The following RBFOX1 variants were observed in gnomAD, a reference collection of about 807,000 sequenced individuals.
RBFOX1 encodes RNA binding fox-1 homolog 1.
Under a neutral mutation model 57.7 loss-of-function variants are expected in RBFOX1, and 8 were observed. That is an observed-to-expected ratio of 0.14 (90% CI 0.08 to 0.25). The LOEUF (loss-of-function observed/expected upper bound fraction) is 0.25, where lower values mean the gene tolerates loss of function less well. RBFOX1 is among the 10% of genes least tolerant of loss of function. The pLI, the probability that RBFOX1 is intolerant of heterozygous loss-of-function variation, is 1.00. For synonymous variants in RBFOX1, 326 were observed against 222.4 expected (o/e 1.47, Z -4.15); for missense variants, 611 against 548.5 (o/e 1.11, Z -1.14).
At chr16:7,625,400 ACC>A (rs1200462474) in intron 10 of RBFOX1, among the ~76,000 whole-genome samples, 1 of 152,044 alleles carries the variant, frequency 6.6e-6, no homozygotes, top group Non-Finnish European at 1.5e-5. Context: ...TCCACCTAGA[ACC>A]TTTACCCTTA....
At chr16:5,764,326 T>G (rs2053698835) in intron 3 of RBFOX1, among the ~76,000 whole-genome samples, 1 of 152,052 alleles carries the variant, frequency 6.6e-6, no homozygotes, top group Non-Finnish European at 1.5e-5. Flanking sequence ...AGGCCTTGAG[T>G]TTTCCTTGGT....
intron 1 of RBFOX1, among the ~76,000 whole-genome samples, chr16:6,132,720 T>G (rs933835462): frequency 6.6e-6 from 1 of 152,002 alleles, no homozygotes; most frequent in African/African-American, 2.4e-5. Flanking sequence ...TTCAACTATG[T>G]AAAAATAAGT....
At chr16:6,953,741 A>G (rs1295545498) in intron 3 of RBFOX1, among the ~76,000 whole-genome samples, 8 of 152,242 alleles carry the variant, frequency 5.3e-5, no homozygotes, top group Non-Finnish European at 1.5e-5. Context: ...TATTTTATAT[A>G]CATAATGGGT....
intron 1 of RBFOX1, among the ~76,000 whole-genome samples, chr16:5,424,515 G>A (rs1465802387): frequency 6.9e-6 from 1 of 145,884 alleles, no homozygotes; most frequent in African/African-American, 2.5e-5. Context: ...TCTAAAGATG[G>A]GTGGCGTTTT....
chr16:7,443,483 G>T (rs986826170), intron 4 of RBFOX1, among the ~76,000 whole-genome samples: 1 of 147,392 alleles, frequency 6.8e-6, no homozygotes, highest in Non-Finnish European at 1.5e-5. Context: ...TTCAGCGTTT[G>T]ACTGGTAGGC....
chr16:7,137,397 G>C (rs1044560771), intron 4 of RBFOX1, among the ~76,000 whole-genome samples: 3 of 152,130 alleles, frequency 2.0e-5, no homozygotes, highest in South Asian at 2.1e-4. Context: ...CCCCCATACT[G>C]TTCTCGTGGT....
intron 4 of RBFOX1, among the ~76,000 whole-genome samples, chr16:5,900,087 A>G (rs2058269813): frequency 6.6e-6 from 1 of 152,180 alleles, no homozygotes; most frequent in Non-Finnish European, 1.5e-5. Context: ...CAAAAACCAA[A>G]CAAAACAAAA....
intron 4 of RBFOX1, among the ~76,000 whole-genome samples, chr16:7,098,820 C>T (rs867881611): frequency 6.6e-6 from 1 of 152,044 alleles, no homozygotes; most frequent in African/African-American, 2.4e-5. Context: ...TAATTAAAAT[C>T]GTGGTCTTTC....
At chr16:5,523,873 G>C (rs962237573) in intron 2 of RBFOX1, among the ~76,000 whole-genome samples, 4 of 152,196 alleles carry the variant, frequency 2.6e-5, no homozygotes, top group Admixed American at 1.3e-4. Context: ...GGGCAGCATG[G>C]AGGGGCTGTT....
intron 1 of RBFOX1, among the ~76,000 whole-genome samples, chr16:6,268,864 C>G (rs972770787): frequency 2.6e-5 from 4 of 152,210 alleles, no homozygotes; most frequent in Non-Finnish European, 5.9e-5. Flanking sequence ...GAAGTGCAGT[C>G]TTCCCGCAGT....
chr16:7,112,234 G>T (rs2064931614), intron 4 of RBFOX1, among the ~76,000 whole-genome samples: 1 of 151,944 alleles, frequency 6.6e-6, no homozygotes, highest in South Asian at 2.1e-4. Flanking sequence ...TTTGAGATGG[G>T]GTCTGTCTTC....
At chr16:5,922,443 C>T (rs548407737) in intron 4 of RBFOX1, among the ~76,000 whole-genome samples, 1 of 152,152 alleles carries the variant, frequency 6.6e-6, no homozygotes, top group Middle Eastern at 3.2e-3. Context: ...CCCTTGTTCA[C>T]CCCCTTGTCT....
intron 2 of RBFOX1, among the ~76,000 whole-genome samples, chr16:6,363,701 A>T (rs535689521): frequency 6.6e-6 from 1 of 152,334 alleles, no homozygotes; most frequent in East Asian, 1.9e-4. Flanking sequence ...GGGCTTAGCT[A>T]AAAGGCTAAC....
chr16:7,321,292 G>C (rs564584921), intron 4 of RBFOX1, among the ~76,000 whole-genome samples: 1 of 151,962 alleles, frequency 6.6e-6, no homozygotes, highest in South Asian at 2.1e-4. Context: ...TTACAGGTGT[G>C]TGCCACCATA....
chr16:6,764,124 C>T (rs770407607), intron 3 of RBFOX1, among the ~76,000 whole-genome samples: 14 of 152,292 alleles, frequency 9.2e-5, no homozygotes, highest in Non-Finnish European at 1.5e-4. Flanking sequence ...CCAGTCTTTG[C>T]GTATGGAGAG....
intron 13 of RBFOX1, 52 bp downstream of exon 13, chr16:7,665,020 T>A (rs1052638975): frequency 6.2e-7 from 1 of 1,613,802 alleles, no homozygotes; most frequent in Non-Finnish European, 8.5e-7. Flanking sequence ...GGAGTCATTC[T>A]TTTTACAAGT....
intron 3 of RBFOX1, among the ~76,000 whole-genome samples, chr16:5,733,686 T>C (rs1219813272): frequency 2.0e-5 from 3 of 152,108 alleles, no homozygotes; most frequent in Non-Finnish European, 4.4e-5. Context: ...CCTCTTTCCC[T>C]TCTCCTGGCT....
chr16:5,943,659 A>T (rs930933310), intron 4 of RBFOX1, among the ~76,000 whole-genome samples: 2 of 152,204 alleles, frequency 1.3e-5, no homozygotes, highest in African/African-American at 4.8e-5. Flanking sequence ...GGAGCTAATG[A>T]GGTATCCCCA....
chr16:6,607,683 A>C (rs982085888), intron 2 of RBFOX1, among the ~76,000 whole-genome samples: 1 of 151,340 alleles, frequency 6.6e-6, no homozygotes, highest in African/African-American at 2.4e-5. Flanking sequence ...ATGTCTGCCT[A>C]TGTGGGCATG....
Sources: allele counts gnomAD v4.1 joint callset (sites outside exome capture counted in the v4.1 genomes callset), GRCh38; gene constraint gnomAD v4.1.1; transcripts MANE v1.5; gene names NCBI Gene and HGNC (gene_info 2026-07-23, HGNC 2026-07-21).